Variants in DLEU7 observed in about 807,000 individuals in gnomAD.
DLEU7 encodes the protein leukemia-associated protein 7.
Under a neutral mutation model 16.0 loss-of-function variants are expected in DLEU7, and 17 were observed. The ratio of observed to expected loss-of-function variants is 1.06; its 90% CI spans 0.73 to 1.59. The LOEUF is 1.59. Ranked by LOEUF, DLEU7 falls within the 40% of genes most tolerant of loss-of-function variation. The pLI is 0.00. For synonymous variants in DLEU7, 113 were observed against 139.8 expected (o/e 0.81, Z 1.35); for missense variants, 308 against 314.9 (o/e 0.98, Z 0.17).
At chr13:50,784,907 C>A (rs1203923324) in intron 1 of DLEU7, among the ~76,000 whole-genome samples, 1 of 152,164 alleles carries the variant, frequency 6.6e-6, no homozygotes, top group African/African-American at 2.4e-5. Flanking sequence ...TTCAGATGTG[C>A]AAATTAGTTT....
At chr13:50,803,159 T>C (rs1401538053) in intron 1 of DLEU7, among the ~76,000 whole-genome samples, 4 of 152,178 alleles carry the variant, frequency 2.6e-5, no homozygotes, top group Non-Finnish European at 4.4e-5. Flanking sequence ...GGTATGTGCA[T>C]TTGTCATTTT....
upstream of DLEU7, chr13:50,843,751 T>A: frequency 7.1e-7 from 1 of 1,416,534 alleles, no homozygotes; most frequent in Non-Finnish European, 9.3e-7. This position sits in a 1 kb window ranked among gnomAD's most constrained non-coding sequence, Gnocchi z 5.7. Context: ...CCGCGGCTCC[T>A]CGGCCTCTGG....
At chr13:50,733,181 A>C (rs1873968457) in intron 1 of DLEU7, among the ~76,000 whole-genome samples, 1 of 152,222 alleles carries the variant, frequency 6.6e-6, no homozygotes, top group African/African-American at 2.4e-5. Context: ...AAAAACAGTG[A>C]TGATGCTCAA....
chr13:50,835,832 G>A (rs1225906918), intron 1 of DLEU7, among the ~76,000 whole-genome samples: 4 of 152,194 alleles, frequency 2.6e-5, no homozygotes, highest in Admixed American at 2.6e-4. Flanking sequence ...ATCTTAAAAC[G>A]GAAGACAAGT....
At chr13:50,830,834 G>T (rs1877240296) in intron 1 of DLEU7, among the ~76,000 whole-genome samples, 1 of 152,164 alleles carries the variant, frequency 6.6e-6, no homozygotes, top group Non-Finnish European at 1.5e-5. Flanking sequence ...CAAAGACCCA[G>T]GGGATGGAGA....
At chr13:50,746,201 A>G (rs1319903784) in intron 1 of DLEU7, among the ~76,000 whole-genome samples, 2 of 152,246 alleles carry the variant, frequency 1.3e-5, no homozygotes, top group Non-Finnish European at 2.9e-5. Context: ...GTTAAAACAA[A>G]CAAATACATA....
At chr13:50,750,012 G>A (rs563732445) in intron 1 of DLEU7, among the ~76,000 whole-genome samples, 66 of 152,246 alleles carry the variant, frequency 4.3e-4, no homozygotes, top group African/African-American at 1.6e-3. Flanking sequence ...GCTTGCCTAA[G>A]CCAATGTCTA....
At position 50,776,336 on chromosome 13, in the gene DLEU7, C is replaced by T. The variant is rs146698708; in HGVS notation, c.460-63096G>A. Among the ~76,000 whole-genome samples the T allele has an allele frequency of 5.2e-3, 791 of 152,282 alleles. 5 individuals carry two copies. Among genetic ancestry groups the T allele is most frequent in the African/African-American group, 0.018 (756 of 41,556 alleles). ...CCAAAGAGGTTTTGTGTTGAATTGC[C>T]GGATAGCCCAGTGCTGTCACTGGCC... is the stretch of plus-strand genomic sequence containing the variant. On this transcript the variant is annotated intron_variant, in intron 1 of 1. Transcript: ENST00000400393.
At chr13:50,810,030 T>A (rs1876517602) in intron 1 of DLEU7, among the ~76,000 whole-genome samples, 1 of 151,508 alleles carries the variant, frequency 6.6e-6, no homozygotes, top group Non-Finnish European at 1.5e-5. Flanking sequence ...TAGCACTTTT[T>A]TTTTTTTAAC....
chr13:50,799,222 T>G (rs1876183587), intron 1 of DLEU7, among the ~76,000 whole-genome samples: 1 of 152,202 alleles, frequency 6.6e-6, no homozygotes, highest in African/African-American at 2.4e-5. Context: ...ATATGCATAT[T>G]ACAACCTTCA....
At chr13:50,836,653 G>A (rs907506491) in intron 1 of DLEU7, among the ~76,000 whole-genome samples, 10 of 151,430 alleles carry the variant, frequency 6.6e-5, no homozygotes, top group East Asian at 5.8e-4. Flanking sequence ...CAGCCTGGGC[G>A]ACAGAGCAAG....
chr13:50,836,487 A>C (rs1877469351), intron 1 of DLEU7, among the ~76,000 whole-genome samples: 1 of 152,082 alleles, frequency 6.6e-6, no homozygotes, highest in South Asian at 2.1e-4. Flanking sequence ...ATCCTGGCTA[A>C]TATGGTGAAA....
Position 50,790,348 on chromosome 13 carries a change from T to A in DLEU7, c.459+52840A>T, listed in dbSNP as rs9596369. Among the ~76,000 whole-genome samples, 3 of 152,184 alleles carry A rather than the reference T, an allele frequency of 2.0e-5. No homozygotes were observed. In the South Asian group the frequency reaches 6.2e-4, roughly 32 times the overall value. Reference sequence around the variant, plus strand: ...ATCTGAAGGGGGAGGGAGTTGTGTGTGAGAGAAGTTTGTTTTCCTTCTCCC... The same window carrying A: ...ATCTGAAGGGGGAGGGAGTTGTGTGAGAGAGAAGTTTGTTTTCCTTCTCCC... On this transcript the variant is annotated intron_variant, in intron 1 of 1. Transcript: ENST00000400393.
intron 1 of DLEU7, among the ~76,000 whole-genome samples, chr13:50,815,237 T>C (rs1186304216): frequency 1.3e-5 from 2 of 152,126 alleles, no homozygotes; most frequent in African/African-American, 4.8e-5. Context: ...TAGAAGTCCA[T>C]TTGGGAGCAT....
chr13:50,751,262 G>T (rs781287475), intron 1 of DLEU7, among the ~76,000 whole-genome samples: 3 of 152,166 alleles, frequency 2.0e-5, no homozygotes, highest in Non-Finnish European at 2.9e-5. Context: ...AACCATCCCT[G>T]CATCCCTGGT....
At position 50,799,254 on chromosome 13, in the gene DLEU7, A is replaced by G. The variant is rs1325022650; in HGVS notation, c.459+43934T>C. Among the ~76,000 whole-genome samples the G allele has an allele frequency of 5.3e-5, 8 of 152,178 alleles. No homozygotes were observed. The South Asian group carries it at 1.7e-3, about 31-fold the overall frequency. Reference sequence around the variant, plus strand: ...TTCAAATAACACAGAGATAATCACAATCTGGACTCACTGCAAGCCCTTCTT... The same window carrying G: ...TTCAAATAACACAGAGATAATCACAGTCTGGACTCACTGCAAGCCCTTCTT... On this transcript the variant is annotated intron_variant, in intron 1 of 1. Coordinates refer to the DLEU7 transcript ENST00000400393.
At chr13:50,775,372 G>C (rs1297333431) in intron 1 of DLEU7, among the ~76,000 whole-genome samples, 1 of 152,148 alleles carries the variant, frequency 6.6e-6, no homozygotes, top group Non-Finnish European at 1.5e-5. Flanking sequence ...TGAGCCTTAA[G>C]GTATAAGTTC....
chr13:50,828,283 C>T (rs1163346882), intron 1 of DLEU7, among the ~76,000 whole-genome samples: 1 of 152,152 alleles, frequency 6.6e-6, no homozygotes, highest in Non-Finnish European at 1.5e-5. Context: ...ATTATAATGT[C>T]ACAAAGCAAA....
At chr13:50,761,403 A>C (rs1874925878) in intron 1 of DLEU7, among the ~76,000 whole-genome samples, 1 of 148,336 alleles carries the variant, frequency 6.7e-6, no homozygotes, top group South Asian at 2.1e-4. Flanking sequence ...GGAGTGGAAC[A>C]GTTAGGGGCT....
Sources: gnomAD v4.1 joint callset for allele counts (sites outside exome capture counted in the v4.1 genomes callset) on GRCh38, gnomAD v4.1.1 for gene constraint, Gnocchi (gnomAD v3.1) non-coding constraint, MANE v1.5 for transcripts, NCBI Gene and HGNC (gene_info 2026-07-23, HGNC 2026-07-21) for gene names.